Variants in ANO3 observed in about 807,000 individuals in gnomAD.
ANO3 encodes anoctamin-3.
Under a neutral mutation model 144.8 loss-of-function variants are expected in ANO3, and 99 were observed. The observed-to-expected ratio is 0.68, with a 90% CI of 0.58 to 0.81. The LOEUF (loss-of-function observed/expected upper bound fraction) is 0.81. Ranked by LOEUF, ANO3 falls within the 30% of genes least tolerant of loss-of-function variation. ANO3 has a pLI of 0.00. For synonymous variants in ANO3, 414 were observed against 392.6 expected (o/e 1.05, Z -0.64); for missense variants, 905 against 1,202.2 (o/e 0.75, Z 3.66).
Position 26,250,724 on chromosome 11 carries a change from T to C in ANO3, c.155-58921T>C, listed in dbSNP as rs547622404. Among the ~76,000 whole-genome samples, 3 of 152,360 alleles carry C rather than the reference T, an allele frequency of 2.0e-5. No homozygotes were observed. The South Asian group carries it at 6.2e-4, about 32-fold the overall frequency. On this transcript the variant is annotated intron_variant, in intron 1 of 27. Coordinates refer to the ANO3 transcript ENST00000672621. Reference sequence around the variant, plus strand: ...TCCATGCATAAGTTACTTAAACTGTTAAATAAATGTGATAGTATATGAGTC... The same window carrying C: ...TCCATGCATAAGTTACTTAAACTGTCAAATAAATGTGATAGTATATGAGTC...
rs1861893216 is a variant in ANO3 at position 26,517,118 on chromosome 11, G to T, written c.692+191G>T. ...AATTTGGTAAACTTTCTGATTTCCT[G>T]GACACTATGTCATTTCAAGGTGGAC... On this transcript the variant is annotated intron_variant, in intron 6 of 26. Coordinates refer to ENST00000256737, the MANE Select transcript of ANO3 (RefSeq NM_031418.4). Among the ~76,000 whole-genome samples the T allele has an allele frequency of 2.0e-5, 3 of 151,402 alleles. No individual in the cohort carries two copies. In the Middle Eastern group the frequency reaches 0.01, roughly 515 times the overall value.
intron 14 of ANO3, among the ~76,000 whole-genome samples, chr11:26,568,031 T>A (rs1850664903): frequency 6.6e-6 from 1 of 152,016 alleles, no homozygotes; most frequent in African/African-American, 2.4e-5. Context: ...TGTGTGCTGG[T>A]GATACTCTAT....
rs1856496570 is a variant in ANO3 at position 26,378,915 on chromosome 11, AT to A, written c.46+46597del. On this transcript the variant is annotated intron_variant, in intron 1 of 26. Transcript: ENST00000256737. ...CTAAGTTTTTTTTTAAGATTCTGAG[AT>A]TTAAAGAACAGTCTCATTGGATATA... 2.0e-5 allele frequency among the ~76,000 whole-genome samples: 3 copies of A among 151,124 alleles called. No individual in the cohort carries two copies. In the South Asian group the frequency reaches 6.3e-4, roughly 32 times the overall value.
At chr11:26,450,635 T>C (rs1400343018) in intron 3 of ANO3, among the ~76,000 whole-genome samples, 1 of 152,194 alleles carries the variant, frequency 6.6e-6, no homozygotes, top group African/African-American at 2.4e-5. Context: ...GTACACACCA[T>C]CTTTGCCTGA....
intron 18 of ANO3, among the ~76,000 whole-genome samples, chr11:26,632,551 A>G (rs1444419333): frequency 1.4e-5 from 2 of 147,154 alleles, no homozygotes; most frequent in African/African-American, 4.9e-5. Context: ...TAAAATATAT[A>G]TAATATATAA....
At chr11:26,219,834 G>A (rs548827213) in intron 1 of ANO3, among the ~76,000 whole-genome samples, 1 of 152,250 alleles carries the variant, frequency 6.6e-6, no homozygotes, top group African/African-American at 2.4e-5. Context: ...AAGCTGCCTA[G>A]GGTGGATGGA....
At chr11:26,398,745 C>T (rs1014972926) in intron 1 of ANO3, among the ~76,000 whole-genome samples, 4 of 152,050 alleles carry the variant, frequency 2.6e-5, no homozygotes, top group South Asian at 2.1e-4. Context: ...GAAAGTGTTC[C>T]GTAAAAATCC....
In ANO3 at chr11:26,662,263, G is replaced by T. The variant is rs1244295167; in HGVS notation, c.*1819G>T. The T allele has an allele frequency of 6.6e-6, 1 of 151,918 alleles. No homozygotes were observed. The highest frequency in any genetic ancestry group is 1.5e-5 in the Non-Finnish European group (1 of 67,982). The allele number at this position is 151,918 out of a possible 1,614,324, so 9.4% of individuals were successfully genotyped here. On this transcript the variant is annotated 3_prime_UTR_variant, in exon 27 of 27. Coordinates refer to ENST00000256737, the MANE Select transcript of ANO3 (RefSeq NM_031418.4). ...CTCAGACTCTGAACTTCCCTCAAGT[G>T]CCGTTGTTATGTGAAACTCTTCCAT...
At chr11:26,624,811 A>G (rs1015259788) in intron 18 of ANO3, among the ~76,000 whole-genome samples, 33 of 152,216 alleles carry the variant, frequency 2.2e-4, no homozygotes, top group African/African-American at 7.7e-4. Context: ...GTGTTATACT[A>G]CATGTACACT....
intron 11 of ANO3, among the ~76,000 whole-genome samples, chr11:26,546,300 T>A (rs2703406): frequency 0.71 from 107,837 of 151,632 alleles, 38,637 homozygotes; most frequent in East Asian, 0.84. Flanking sequence ...AATGAAAAAA[T>A]TGGAGAAGTG....
At chr11:26,556,084 T>G (rs546411051) in intron 13 of ANO3, among the ~76,000 whole-genome samples, 93 of 152,314 alleles carry the variant, frequency 6.1e-4, no homozygotes, top group Middle Eastern at 3.4e-3. Flanking sequence ...AAATTAATAT[T>G]TAAGTACATT....
At chr11:26,490,692 A>T (rs1052975870) in intron 4 of ANO3, among the ~76,000 whole-genome samples, 5 of 152,230 alleles carry the variant, frequency 3.3e-5, no homozygotes, top group African/African-American at 1.2e-4. Flanking sequence ...ACTCCATCAG[A>T]TAGTCCAGAT....
chr11:26,192,301 G>T (rs1851493196), intron 1 of ANO3, among the ~76,000 whole-genome samples: 2 of 151,990 alleles, frequency 1.3e-5, no homozygotes, highest in Non-Finnish European at 2.9e-5. Context: ...TGTATTTATT[G>T]CAGGCTTAGC....
chr11:26,443,901 A>T (rs2134026424), intron 3 of ANO3, 65 bp downstream of exon 3: 1 of 1,098,350 alleles, frequency 9.1e-7, no homozygotes, highest in Non-Finnish European at 1.3e-6. Context: ...GTGTTCTTCT[A>T]AAAAAAACTA....
intron 1 of ANO3, among the ~76,000 whole-genome samples, chr11:26,299,086 A>G (rs1359560432): frequency 3.3e-5 from 5 of 152,220 alleles, no homozygotes; most frequent in African/African-American, 1.2e-4. Context: ...GGATGAAATT[A>G]CCAGGCATAA....
intron 1 of ANO3, among the ~76,000 whole-genome samples, chr11:26,403,833 AT>A (rs1857210252): frequency 6.6e-6 from 1 of 151,836 alleles, no homozygotes; most frequent in Non-Finnish European, 1.5e-5. Context: ...CATTTCAAGC[AT>A]TTTAAAATTC....
chr11:26,618,701 C>T (rs377145469), intron 17 of ANO3, among the ~76,000 whole-genome samples: 9 of 152,244 alleles, frequency 5.9e-5, no homozygotes, highest in African/African-American at 2.2e-4. Flanking sequence ...TTCCAAATCA[C>T]CCTGCACTCC....
intron 17 of ANO3, among the ~76,000 whole-genome samples, chr11:26,613,994 G>A (rs914827041): frequency 6.6e-6 from 1 of 152,188 alleles, no homozygotes; most frequent in Admixed American, 6.5e-5. Context: ...AGTTCTGTCT[G>A]AAGGGACAGG....
At chr11:26,306,619 G>A (rs150714155), upstream of ANO3, among the ~76,000 whole-genome samples, 2,780 of 152,100 alleles carry the variant, frequency 0.018, 51 homozygotes, top group East Asian at 0.11. Flanking sequence ...AGCCCTGATT[G>A]TGCCACCACA....
Sources: gnomAD v4.1 joint callset for allele counts (sites outside exome capture counted in the v4.1 genomes callset) on GRCh38, gnomAD v4.1.1 for gene constraint, MANE v1.5 for transcripts, NCBI Gene and HGNC (gene_info 2026-07-23, HGNC 2026-07-21) for gene names.